DYM: variants seen among roughly 807,000 people sequenced by gnomAD.
DYM encodes the protein dymeclin, also known as dyggve-Melchior-Clausen syndrome protein.
In DYM, 78 loss-of-function variants were observed where a neutral mutation model predicts 93.1. That is an observed-to-expected ratio of 0.84 (90% CI 0.70 to 1.01). The LOEUF (loss-of-function observed/expected upper bound fraction) is 1.01, where lower values mean the gene tolerates loss of function less well. Among genes scored for constraint, DYM ranks in the 50% least tolerant of loss-of-function variants. The probability of loss-of-function intolerance (pLI) is 0.00; values close to 1 mark genes in which losing one functional copy is unlikely to be tolerated. For missense variants in DYM, 789 were observed against 845.0 expected (o/e 0.93, Z 0.82); for synonymous variants, 321 against 319.7 (o/e 1.00, Z -0.04).
chr18:49,082,295 C>G (rs1486668628), intron 17 of DYM, among the ~76,000 whole-genome samples: 2 of 152,196 alleles, frequency 1.3e-5, no homozygotes, highest in Admixed American at 1.3e-4. Context: ...GCATAAACAG[C>G]CTGAAATGGT....
At chr18:49,251,202 T>C (rs569535928) in intron 13 of DYM, among the ~76,000 whole-genome samples, 2 of 152,152 alleles carry the variant, frequency 1.3e-5, no homozygotes, top group South Asian at 2.1e-4. Flanking sequence ...AAAGAAGCAA[T>C]GAGATTTGCT....
intron 6 of DYM, among the ~76,000 whole-genome samples, chr18:49,334,364 A>C (rs2063522239): frequency 6.6e-6 from 1 of 152,244 alleles, no homozygotes; most frequent in South Asian, 2.1e-4. Context: ...TTGCATGTTC[A>C]GCAAAATATT....
chr18:49,327,794 T>C (rs1194202545), intron 8 of DYM, among the ~76,000 whole-genome samples: 1 of 152,172 alleles, frequency 6.6e-6, no homozygotes, highest in African/African-American at 2.4e-5. Flanking sequence ...CAGACATCAT[T>C]CTTACAACTG....
intron 16 of DYM, 105 bp from the exon 17 acceptor site, chr18:49,097,620 A>C: frequency 4.9e-6 from 5 of 1,030,150 alleles, no homozygotes; most frequent in Non-Finnish European, 7.3e-6. Context: ...CCATTCCTAC[A>C]GTGACCCGGC....
At chr18:49,236,344 G>A (rs1464880294) in intron 13 of DYM, among the ~76,000 whole-genome samples, 1 of 152,080 alleles carries the variant, frequency 6.6e-6, no homozygotes, top group Non-Finnish European at 1.5e-5. Context: ...GCAGGGTGTG[G>A]TGGCAGGCGC....
chr18:49,070,676 A>G (rs1196234153), intron 17 of DYM, among the ~76,000 whole-genome samples: 2 of 152,236 alleles, frequency 1.3e-5, no homozygotes, highest in African/African-American at 4.8e-5. Context: ...CCTAAACAGT[A>G]AGGTTCTTTA....
chr18:49,291,607 C>T (rs1468288414), intron 8 of DYM, among the ~76,000 whole-genome samples: 1 of 152,102 alleles, frequency 6.6e-6, no homozygotes, highest in Non-Finnish European at 1.5e-5. Flanking sequence ...CGAGGATCAG[C>T]AAGAAGAGGT....
chr18:49,345,783 G>C (rs1339871475), intron 6 of DYM, among the ~76,000 whole-genome samples: 1 of 152,038 alleles, frequency 6.6e-6, no homozygotes, highest in Non-Finnish European at 1.5e-5. Flanking sequence ...TATCCTATAA[G>C]CAAGTAAGTC....
At chr18:49,223,039 C>A (rs1037401700) in intron 13 of DYM, among the ~76,000 whole-genome samples, 1 of 151,954 alleles carries the variant, frequency 6.6e-6, no homozygotes, top group Non-Finnish European at 1.5e-5. Context: ...AACAGGAACA[C>A]GTATTAAGTA....
In DYM at chr18:49,163,705, C is replaced by G. The variant is rs753624112; in HGVS notation, c.1708G>C (p.Asp570His). 6.8e-6 allele frequency: 11 copies of G among 1,611,726 alleles called. No homozygotes were observed. The African/African-American group carries it at 9.4e-5, about 14-fold the overall frequency. ...CTTACATAATCTGGTAGAGGAACATCATTAGAACTCAGCGAACCTCTCAAG... is the reference window on the plus strand; with the variant it reads ...CTTACATAATCTGGTAGAGGAACATGATTAGAACTCAGCGAACCTCTCAAG... ...QSLRGSLSSN[D>H]VPLPDYAQDL... is the part of the protein sequence containing the mutation. The change falls in exon 15 of 18, where the codon GAT becomes CAT. Residue 570 changes from aspartate to histidine, a missense_variant. By Grantham distance (81) the Asp-to-His change is moderately conservative. Around this residue, in one of 3 missense-constraint regions of DYM, gnomAD observed 225 missense variants for 303.0 expected, o/e 0.74. Transcript: ENST00000675505.
rs866648614 is a variant in DYM, at chr18:49,272,247, C to T, written c.1182G>A (p.Val394=). Residue 394 remains valine (V), a synonymous_variant, in exon 11 of 18, where the codon GTG becomes GTA. Transcript: ENST00000675505. ...TCAACAATATTATAAGGGCCATATACACATGGTGTGAATTCCTTTCTTCAA... is the reference window on the plus strand; with the variant it reads ...TCAACAATATTATAAGGGCCATATATACATGGTGTGAATTCCTTTCTTCAA... ...YHVEERNSHH[V]YMALIILLIL... 4 of 1,597,248 alleles carry T rather than the reference C, an allele frequency of 2.5e-6. No homozygotes were observed. Among genetic ancestry groups the T allele is most frequent in the East Asian group, 2.2e-5 (1 of 44,668 alleles).
intron 13 of DYM, among the ~76,000 whole-genome samples, chr18:49,244,390 A>AG (rs1177881765): frequency 6.6e-6 from 1 of 152,212 alleles, no homozygotes; most frequent in African/African-American, 2.4e-5. Flanking sequence ...ACATGTCAAC[A>AG]GGGGGATCAC....
intron 15 of DYM, among the ~76,000 whole-genome samples, chr18:49,133,164 A>G (rs1179720333): frequency 6.6e-6 from 1 of 152,146 alleles, no homozygotes; most frequent in Non-Finnish European, 1.5e-5. Context: ...TATAATCTGA[A>G]ACTACTTTTC....
intron 17 of DYM, among the ~76,000 whole-genome samples, chr18:49,088,624 A>G (rs1023248274): frequency 6.6e-6 from 1 of 152,086 alleles, no homozygotes; most frequent in African/African-American, 2.4e-5. Context: ...CATAACTTTC[A>G]AACATTTCAA....
intron 14 of DYM, among the ~76,000 whole-genome samples, chr18:49,179,766 G>T (rs1470153021): frequency 7.2e-5 from 11 of 152,106 alleles, no homozygotes; most frequent in African/African-American, 1.2e-4. Context: ...TGCTTCCTCT[G>T]TATGTAAATG....
chr18:49,288,126 T>C (rs1364034018), intron 8 of DYM, among the ~76,000 whole-genome samples: 1 of 152,198 alleles, frequency 6.6e-6, no homozygotes, highest in Non-Finnish European at 1.5e-5. Flanking sequence ...ATTACATACA[T>C]GGCTTCTATT....
intron 8 of DYM, among the ~76,000 whole-genome samples, chr18:49,328,352 C>T (rs1185213952): frequency 6.6e-6 from 1 of 152,052 alleles, no homozygotes; most frequent in African/African-American, 2.4e-5. Flanking sequence ...GAACTCAAGA[C>T]GGTCCTTAAT....
intron 13 of DYM, among the ~76,000 whole-genome samples, chr18:49,212,369 G>A (rs2092822795): frequency 6.6e-6 from 1 of 152,054 alleles, no homozygotes; most frequent in Non-Finnish European, 1.5e-5. Context: ...GGGACATCAT[G>A]TCTGTAAACT....
In DYM at chr18:49,320,370, ATC is replaced by A. The variant is rs1385427439; in HGVS notation, c.763+11492_763+11493del. 5.9e-5 allele frequency among the ~76,000 whole-genome samples: 9 copies of A among 152,212 alleles called. No homozygotes were observed. The South Asian group carries it at 1.0e-3, about 17-fold the overall frequency. On this transcript the variant is annotated intron_variant, in intron 8 of 17. Coordinates refer to ENST00000675505, the MANE Select transcript of DYM (RefSeq NM_001353214.3). ...AACATTTTGCTGTATTTGTGATAAT[ATC>A]TCTATCCATCTATCAATCCCTCTAT...
Sources: gnomAD v4.1 joint callset for allele counts (sites outside exome capture counted in the v4.1 genomes callset) on GRCh38, gnomAD v4.1.1 for gene constraint, gnomAD v4.1.1 regional missense constraint, MANE v1.5 for transcripts, NCBI Gene and HGNC (gene_info 2026-07-23, HGNC 2026-07-21) for gene names.